SLC35F1: variants seen among roughly 807,000 people sequenced by gnomAD.
SLC35F1 encodes chromosome 6 open reading frame 169.
A neutral mutation model predicts 48.7 loss-of-function variants in SLC35F1; 14 were observed. The observed-to-expected ratio is 0.29, with a 90% CI of 0.19 to 0.45. The LOEUF (loss-of-function observed/expected upper bound fraction) is 0.45. Ranked by LOEUF, SLC35F1 falls within the 20% of genes least tolerant of loss-of-function variation. The pLI is 1.00. For missense variants in SLC35F1, 404 were observed against 500.0 expected (o/e 0.81, Z 1.83); for synonymous variants, 190 against 202.2 (o/e 0.94, Z 0.51).
At chr6:118,112,146 T>C (rs75079965) in intron 1 of SLC35F1, among the ~76,000 whole-genome samples, 1 of 131,114 alleles carries the variant, frequency 7.6e-6, no homozygotes, top group Non-Finnish European at 1.6e-5. Context: ...CTTTTCTTTT[T>C]TGAGACGGTG....
chr6:118,216,352 C>T (rs1436617807), intron 2 of SLC35F1, among the ~76,000 whole-genome samples: 5 of 151,052 alleles, frequency 3.3e-5, no homozygotes, highest in African/African-American at 4.9e-5. Context: ...CCACAGCACC[C>T]GGCCAAGATC....
chr6:118,190,213 G>A (rs938939959), intron 2 of SLC35F1, among the ~76,000 whole-genome samples: 5 of 152,178 alleles, frequency 3.3e-5, no homozygotes, highest in African/African-American at 1.2e-4. Context: ...CAGTAGAACA[G>A]TGAGTTTTGC....
At chr6:118,043,317 G>A (rs1176683324) in intron 1 of SLC35F1, among the ~76,000 whole-genome samples, 1 of 148,296 alleles carries the variant, frequency 6.7e-6, no homozygotes, top group Non-Finnish European at 1.5e-5. Flanking sequence ...TTAAGTGCCA[G>A]CCTGGTTTTC....
chr6:118,220,028 G>A (rs1336647747), intron 2 of SLC35F1, among the ~76,000 whole-genome samples: 1 of 152,050 alleles, frequency 6.6e-6, no homozygotes, highest in African/African-American at 2.4e-5. Flanking sequence ...TGGGGTTGGG[G>A]GAGTGGGGAG....
intron 1 of SLC35F1, among the ~76,000 whole-genome samples, chr6:117,925,304 G>A (rs1438734478): frequency 6.6e-6 from 1 of 152,098 alleles, no homozygotes; most frequent in African/African-American, 2.4e-5. Flanking sequence ...TTTAGATGGG[G>A]GAGGAGCTGT....
At chr6:117,956,315 A>T (rs1776425810) in intron 1 of SLC35F1, among the ~76,000 whole-genome samples, 1 of 152,214 alleles carries the variant, frequency 6.6e-6, no homozygotes, top group Admixed American at 6.5e-5. Flanking sequence ...GACAGTGGAC[A>T]TCAGGCTTTC....
At chr6:117,952,666 C>T (rs749752787) in intron 1 of SLC35F1, among the ~76,000 whole-genome samples, 33 of 152,118 alleles carry the variant, frequency 2.2e-4, no homozygotes, top group Non-Finnish European at 4.0e-4. Flanking sequence ...ACAGATTCTT[C>T]TTAATTACAA....
At position 118,243,993 on chromosome 6, in the gene SLC35F1, C is replaced by T. The variant is rs1037683521; in HGVS notation, c.477+8357C>T. ...CTCTTTCAGAGTTCTTAGATCCAGA[C>T]TTCCTATTGCCATGATTGTGAAAAT... On this transcript the variant is annotated intron_variant, in intron 3 of 7. Coordinates refer to ENST00000360388, the MANE Select transcript of SLC35F1 (RefSeq NM_001029858.4). 3.9e-5 allele frequency among the ~76,000 whole-genome samples: 6 copies of T among 152,222 alleles called. No individual in the cohort carries two copies. In the South Asian group the frequency reaches 6.2e-4, roughly 16 times the overall value.
Position 118,274,849 on chromosome 6 carries a change from C to T in SLC35F1, c.638-610C>T, listed in dbSNP as rs139035697. On this transcript the variant is annotated intron_variant, in intron 4 of 7. Coordinates refer to ENST00000360388, the MANE Select transcript of SLC35F1 (RefSeq NM_001029858.4). ...TCACTCTCATTTTCTAACAGTTACACATTTTGCCCATGGTCAAAGTGCAAT... is the reference window on the plus strand; with the variant it reads ...TCACTCTCATTTTCTAACAGTTACATATTTTGCCCATGGTCAAAGTGCAAT... Among the ~76,000 whole-genome samples, 28 of 152,346 alleles carry T rather than the reference C, an allele frequency of 1.8e-4. No homozygotes were observed. In the East Asian group the frequency reaches 5.4e-3, roughly 29 times the overall value.
intron 2 of SLC35F1, among the ~76,000 whole-genome samples, chr6:118,167,185 G>T (rs1330948203): frequency 1.3e-5 from 2 of 152,110 alleles, no homozygotes; most frequent in African/African-American, 4.8e-5. Context: ...CAAGTTCACA[G>T]ATAAGAGGAG....
At chr6:117,911,896 CT>C (rs1328976866) in intron 1 of SLC35F1, among the ~76,000 whole-genome samples, 3 of 152,188 alleles carry the variant, frequency 2.0e-5, no homozygotes, top group African/African-American at 7.2e-5. Context: ...ACAGGAGTAG[CT>C]ACTGACCTAC....
At chr6:118,195,980 G>A (rs1409837774) in intron 2 of SLC35F1, among the ~76,000 whole-genome samples, 1 of 152,128 alleles carries the variant, frequency 6.6e-6, no homozygotes, top group Non-Finnish European at 1.5e-5. Flanking sequence ...AAGTTTAAAG[G>A]AATTTAATCA....
chr6:118,240,983 C>T (rs1775432577), intron 3 of SLC35F1, among the ~76,000 whole-genome samples: 2 of 152,168 alleles, frequency 1.3e-5, no homozygotes, highest in East Asian at 3.9e-4. Context: ...AATTTTTAAT[C>T]TGCAAGGTAA....
chr6:118,092,988 T>C (rs946198509), intron 1 of SLC35F1, among the ~76,000 whole-genome samples: 1 of 152,140 alleles, frequency 6.6e-6, no homozygotes, highest in African/African-American at 2.4e-5. Context: ...GTGCTAAGAC[T>C]TTGGGAGACT....
intron 3 of SLC35F1, among the ~76,000 whole-genome samples, chr6:118,243,413 G>A (rs1270138458): frequency 1.3e-5 from 2 of 152,136 alleles, no homozygotes; most frequent in African/African-American, 4.8e-5. Context: ...CAGGAGTTTG[G>A]GGAAAGCCTG....
intron 1 of SLC35F1, among the ~76,000 whole-genome samples, chr6:118,114,003 G>C (rs951582638): frequency 6.6e-6 from 1 of 152,150 alleles, no homozygotes; most frequent in African/African-American, 2.4e-5. Flanking sequence ...ACACAATACT[G>C]CAATAATGGA....
rs1462900619 is a variant in SLC35F1 at position 118,316,227 on chromosome 6, T to C, written c.*1975T>C. ...GGGTAAGTGGACCTACCCTTGGAGA[T>C]AGAGAAGAAAAATTATCTTCTCTGA... On this transcript the variant is annotated 3_prime_UTR_variant, in exon 8 of 8. Transcript: ENST00000360388. 6.6e-6 allele frequency: 1 copy of C among 152,240 alleles called. No individual in the cohort carries two copies. Among genetic ancestry groups the C allele is most frequent in the Non-Finnish European group, 1.5e-5 (1 of 68,022 alleles). 9.4% of individuals were successfully genotyped at this position (152,240 alleles called of 1,614,324 possible). A position where few individuals can be genotyped will look rare whatever the true frequency, so the allele number is the denominator to read the frequency against.
At chr6:117,967,591 A>T (rs75310457) in intron 1 of SLC35F1, among the ~76,000 whole-genome samples, 1 of 152,034 alleles carries the variant, frequency 6.6e-6, no homozygotes, top group Non-Finnish European at 1.5e-5. Flanking sequence ...GACCCTGTTT[A>T]CTCTTGTTTC....
intron 2 of SLC35F1, among the ~76,000 whole-genome samples, chr6:118,229,513 A>G (rs1775261969): frequency 6.6e-6 from 1 of 152,214 alleles, no homozygotes; most frequent in Admixed American, 6.5e-5. Context: ...TCCGTTAATG[A>G]GAAATGCATG....
Sources: allele counts gnomAD v4.1 joint callset (sites outside exome capture counted in the v4.1 genomes callset), GRCh38; gene constraint gnomAD v4.1.1; transcripts MANE v1.5; gene names NCBI Gene and HGNC (gene_info 2026-07-23, HGNC 2026-07-21).